CMYA5: variants seen among roughly 807,000 people sequenced by gnomAD.
The protein encoded by CMYA5 is cardiomyopathy associated 5.
CMYA5 carries 246 observed loss-of-function variants against 318.9 expected under a neutral mutation model. That is an observed-to-expected ratio of 0.77 (90% CI 0.70 to 0.86). CMYA5 has a LOEUF of 0.86. Ranked by LOEUF, CMYA5 falls within the 40% of genes least tolerant of loss-of-function variation. The pLI is 0.00. For synonymous variants in CMYA5, 1,641 were observed against 1,729.5 expected (o/e 0.95, Z 1.27); for missense variants, 4,589 against 4,678.2 (o/e 0.98, Z 0.56).
rs758931252 is a variant in CMYA5, at chr5:79,732,642, C to T, written c.3877C>T (p.Pro1293Ser). ...SPLKETSLSG[P>S]EALSAVKMEM... ...TCTAAAGGAAACATCTTTATCTGGACCTGAGGCTTTATCAGCAGTGAAAAT... is the reference window on the plus strand; with the variant it reads ...TCTAAAGGAAACATCTTTATCTGGATCTGAGGCTTTATCAGCAGTGAAAAT... The change falls in exon 2 of 13, where the codon CCT (proline) becomes TCT (serine). Residue 1293 changes from proline (P) to serine (S), a missense_variant. This residue lies in a region of CMYA5 where 2,132 missense variants were observed against 2,131.3 expected (regional missense o/e 1.00). Coordinates refer to ENST00000446378, the MANE Select transcript of CMYA5 (RefSeq NM_153610.5). The T allele has an allele frequency of 6.2e-7, 1 of 1,613,468 alleles. No homozygotes were observed. The highest frequency in any genetic ancestry group is 8.5e-7 in the Non-Finnish European group (1 of 1,179,754).
At chr5:79,690,628 A>T (rs1013125775) in intron 1 of CMYA5, among the ~76,000 whole-genome samples, 2 of 152,202 alleles carry the variant, frequency 1.3e-5, no homozygotes, top group African/African-American at 4.8e-5. Flanking sequence ...GCGATGAAGT[A>T]ATACTATGTA....
At chr5:79,720,231 T>C (rs1474584997) in intron 1 of CMYA5, among the ~76,000 whole-genome samples, 2 of 152,004 alleles carry the variant, frequency 1.3e-5, no homozygotes, top group Non-Finnish European at 2.9e-5. Context: ...AAGAATATGA[T>C]AGTAACTTCT....
chr5:79,737,863 C>T lies in CMYA5; in HGVS notation c.9098C>T (p.Thr3033Ile), dbSNP rs755487628. ...CATAAGACAAAAGAAGAGATATCCA[C>T]AGATTCAGAAACTGATTTATCATTT... ...ETHKTKEEIS[T>I]DSETDLSFIQ... is the part of the protein sequence containing the mutation. Residue 3033 changes from threonine to isoleucine, a missense_variant, in exon 2 of 13, where the codon ACA (threonine) becomes ATA (isoleucine). Physicochemically the swap from Thr to Ile is moderately conservative, Grantham distance 89 (BLOSUM62 -1). Transcript: ENST00000446378. 4 of 1,598,914 alleles carry T rather than the reference C, an allele frequency of 2.5e-6. No individual in the cohort carries two copies. In the South Asian group the frequency reaches 3.5e-5, roughly 14 times the overall value.
At chr5:79,761,349 A>G (rs1285389394) in intron 7 of CMYA5, among the ~76,000 whole-genome samples, 1 of 152,224 alleles carries the variant, frequency 6.6e-6, no homozygotes, top group Non-Finnish European at 1.5e-5. Flanking sequence ...CTGGAAGGTC[A>G]TACTGAATAC....
At chr5:79,761,519 G>A (rs1488685949) in intron 7 of CMYA5, among the ~76,000 whole-genome samples, 4 of 152,048 alleles carry the variant, frequency 2.6e-5, no homozygotes, top group East Asian at 1.9e-4. Flanking sequence ...TTTAATATTC[G>A]CTACTGAAAT....
chr5:79,726,664 G>A (rs949947859), intron 1 of CMYA5, among the ~76,000 whole-genome samples: 1 of 152,138 alleles, frequency 6.6e-6, no homozygotes, highest in Non-Finnish European at 1.5e-5. Context: ...GGCCCAAGGG[G>A]CCTGGCTGCC....
At chr5:79,778,900 ATTT>A (rs201686318) in intron 9 of CMYA5, among the ~76,000 whole-genome samples, 32 of 94,822 alleles carry the variant, frequency 3.4e-4, no homozygotes, top group African/African-American at 1.4e-3. Context: ...ATTTATTTTT[ATTT>A]TTTTTTTTAA....
At chr5:79,739,913 G>A (rs1279829049) in intron 2 of CMYA5, among the ~76,000 whole-genome samples, 1 of 151,872 alleles carries the variant, frequency 6.6e-6, no homozygotes, top group African/African-American at 2.4e-5. Context: ...AGCCCAGGAG[G>A]TCAAGGCTAC....
In CMYA5 at chr5:79,793,452, G is replaced by A. The variant is rs747705739; in HGVS notation, c.11805G>A (p.Leu3935=). 1.2e-6 allele frequency: 2 copies of A among 1,612,880 alleles called. No individual in the cohort carries two copies. The highest frequency in any genetic ancestry group is 2.2e-5 in the East Asian group (1 of 44,816). ...RRRLTEIPSV[L]GEELPSCGQH... ...TCACCCACAGAATCCCGTCAGTGCT[G>A]GGTGAGGAGCTGCCTTCCTGTGGCC... The change falls in exon 12 of 13, where the codon CTG becomes CTA. Residue 3935 remains leucine (L), a synonymous_variant. Coordinates refer to ENST00000446378, the MANE Select transcript of CMYA5 (RefSeq NM_153610.5).
chr5:79,764,771 G>A (rs371364515), intron 9 of CMYA5, among the ~76,000 whole-genome samples: 12 of 152,154 alleles, frequency 7.9e-5, no homozygotes, highest in African/African-American at 2.9e-4. Flanking sequence ...TCATATGTTT[G>A]TTGGCAGCAT....
Position 79,723,210 on chromosome 5 carries a change from G to A in CMYA5, c.150-5705G>A, listed in dbSNP as rs186093115. Among the ~76,000 whole-genome samples the A allele has an allele frequency of 3.4e-4, 52 of 152,278 alleles. 1 individual carries two copies. Among genetic ancestry groups the A allele is most frequent in the African/African-American group, 1.2e-3 (50 of 41,542 alleles). On this transcript the variant is annotated intron_variant, in intron 1 of 12. Coordinates refer to ENST00000446378, the MANE Select transcript of CMYA5 (RefSeq NM_153610.5). ...AATCCTAGCACTTTGAGAGGCCGAG[G>A]TGGGTGCATCATGAGGTCAGGAGTT...
chr5:79,711,573 C>G (rs1270743204), intron 1 of CMYA5, among the ~76,000 whole-genome samples: 1 of 152,112 alleles, frequency 6.6e-6, no homozygotes, highest in Admixed American at 6.5e-5. Flanking sequence ...AAATTAACCA[C>G]TTTCAAAAAA....
intron 1 of CMYA5, among the ~76,000 whole-genome samples, chr5:79,701,210 T>G (rs1305690913): frequency 6.6e-6 from 1 of 152,016 alleles, no homozygotes; most frequent in African/African-American, 2.4e-5. Flanking sequence ...ATTGCGCCAC[T>G]GCACTCCAGA....
Position 79,739,203 on chromosome 5 carries a change from G to C in CMYA5, c.10438G>C (p.Glu3480Gln). 6.2e-7 allele frequency: 1 copy of C among 1,613,398 alleles called. No homozygotes were observed. ...ACAAAGTACACCTGCTGAACAAAAA[G>C]AGTTGGGCAGCGAGAGGAAAGAAGA... ...AEQSTPAEQK[E>Q]LGSERKEEDQ... Residue 3480 changes from glutamate to glutamine, a missense_variant, in exon 2 of 13, where the codon GAG becomes CAG. Glu to Gln is a conservative substitution (Grantham distance 29, BLOSUM62 2). Around this residue, in one of 3 missense-constraint regions of CMYA5, gnomAD observed 2,431 missense variants for 2,495.1 expected, o/e 0.97. Transcript: ENST00000446378.
intron 1 of CMYA5, among the ~76,000 whole-genome samples, chr5:79,709,832 G>A (rs1470901839): frequency 6.6e-6 from 1 of 151,348 alleles, no homozygotes; most frequent in African/African-American, 2.4e-5. Context: ...CTTGTGGTGT[G>A]TGCCTGTAAT....
At chr5:79,723,783 A>G (rs186478888) in intron 1 of CMYA5, among the ~76,000 whole-genome samples, 1,575 of 151,986 alleles carry the variant, frequency 0.01, 17 homozygotes, top group Non-Finnish European at 0.016. Context: ...AATGAAAAAA[A>G]AAAAAGAAAA....
At chr5:79,708,866 G>A (rs1483249935) in intron 1 of CMYA5, among the ~76,000 whole-genome samples, 2 of 152,018 alleles carry the variant, frequency 1.3e-5, no homozygotes, top group East Asian at 1.9e-4. Flanking sequence ...CCTGGGAGGC[G>A]GAGGTTGCAG....
At chr5:79,774,816 T>G (rs1828911833) in intron 9 of CMYA5, among the ~76,000 whole-genome samples, 1 of 152,260 alleles carries the variant, frequency 6.6e-6, no homozygotes, top group Non-Finnish European at 1.5e-5. Context: ...CACCCACTGC[T>G]CTGTCTGTAG....
chr5:79,697,651 A>G (rs75230357), intron 1 of CMYA5, among the ~76,000 whole-genome samples: 204 of 152,362 alleles, frequency 1.3e-3, no homozygotes, highest in African/African-American at 4.8e-3. Flanking sequence ...TAGCACAGCT[A>G]GCATTCTAAC....
Sources: gnomAD v4.1 joint callset for allele counts (sites outside exome capture counted in the v4.1 genomes callset) on GRCh38, gnomAD v4.1.1 for gene constraint, gnomAD v4.1.1 regional missense constraint, MANE v1.5 for transcripts, NCBI Gene and HGNC (gene_info 2026-07-23, HGNC 2026-07-21) for gene names.